The following RASSF8 variants were observed in gnomAD, a reference collection of about 807,000 sequenced individuals.
The protein encoded by RASSF8 is Ras association domain family member 8.
In RASSF8, 22 loss-of-function variants were observed where a neutral mutation model predicts 48.5. That is an observed-to-expected ratio of 0.45 (90% CI 0.32 to 0.65). RASSF8 has a LOEUF of 0.65. Among genes scored for constraint, RASSF8 ranks in the 30% least tolerant of loss-of-function variants. RASSF8 has a pLI of 0.03. For synonymous variants in RASSF8, 127 were observed against 171.5 expected (o/e 0.74, Z 2.03); for missense variants, 418 against 489.2 (o/e 0.85, Z 1.37).
intron 3 of RASSF8, among the ~76,000 whole-genome samples, chr12:26,060,152 CTCCCAAAGTGCT>C (rs549441480): frequency 1.5e-3 from 233 of 152,276 alleles, no homozygotes; most frequent in African/African-American, 5.3e-3. Flanking sequence ...CCGCCTCGGC[CTCCCAAAGTGCT>C]GGGATTACAG....
At chr12:26,036,772 A>G (rs1943160135) in intron 2 of RASSF8, among the ~76,000 whole-genome samples, 1 of 152,022 alleles carries the variant, frequency 6.6e-6, no homozygotes, top group Non-Finnish European at 1.5e-5. Context: ...AAAAAATAAA[A>G]AATTAGCCAG....
chr12:25,959,928 G>T (rs969044599), intron 1 of RASSF8, among the ~76,000 whole-genome samples: 3 of 152,112 alleles, frequency 2.0e-5, no homozygotes, highest in African/African-American at 7.2e-5. Context: ...ATATATAATT[G>T]CGGGTCAATA....
Position 26,069,478 on chromosome 12 carries a change from T to A in RASSF8, c.*660T>A. 1.0e-6 allele frequency: 1 copy of A among 985,486 alleles called. No individual in the cohort carries two copies. The highest frequency in any genetic ancestry group is 1.2e-6 in the Non-Finnish European group (1 of 829,948). The allele number at this position is 985,486 out of a possible 1,614,324, so 61.0% of individuals were successfully genotyped here. On this transcript the variant is annotated 3_prime_UTR_variant, in exon 6 of 6. Transcript: ENST00000689635. ...CCTTTACAATATTTCCAAATATACGTGTGGCCACAGAGCATAACAGATATT... is the reference window on the plus strand; with the variant it reads ...CCTTTACAATATTTCCAAATATACGAGTGGCCACAGAGCATAACAGATATT...
chr12:26,018,962 G>A (rs1400894517), intron 2 of RASSF8, among the ~76,000 whole-genome samples: 1 of 152,166 alleles, frequency 6.6e-6, no homozygotes, highest in African/African-American at 2.4e-5. Flanking sequence ...CTTCCACCTG[G>A]CTTGGTTCAG....
intron 2 of RASSF8, among the ~76,000 whole-genome samples, chr12:26,033,326 T>G (rs1943066846): frequency 6.6e-6 from 1 of 152,210 alleles, no homozygotes; most frequent in Non-Finnish European, 1.5e-5. Flanking sequence ...ATTGTGATCT[T>G]TCAGGTCATA....
At chr12:26,040,113 A>G (rs1943232742) in intron 2 of RASSF8, among the ~76,000 whole-genome samples, 1 of 152,152 alleles carries the variant, frequency 6.6e-6, no homozygotes, top group Admixed American at 6.5e-5. Flanking sequence ...CTTTTGTTTT[A>G]TTTTTAATAA....
In RASSF8 at chr12:26,072,353, C is replaced by G. The variant is rs1452860601; in HGVS notation, c.*3535C>G. The G allele has an allele frequency of 1.0e-6, 1 of 985,210 alleles. No individual in the cohort carries two copies. The highest frequency in any genetic ancestry group is 1.2e-6 in the Non-Finnish European group (1 of 829,898). The allele number at this position is 985,210 out of a possible 1,614,324, so 61.0% of individuals were successfully genotyped here. A position where few individuals can be genotyped will look rare whatever the true frequency, so the allele number is the denominator to read the frequency against. ...AATCACTATTTATTCAGTATTGCTG[C>G]TTTACATCTCCAGAATAAGCTTTCG... On this transcript the variant is annotated 3_prime_UTR_variant, in exon 6 of 6. Transcript: ENST00000689635.
chr12:25,977,108 C>T (rs757848035), intron 1 of RASSF8, among the ~76,000 whole-genome samples: 15 of 152,152 alleles, frequency 9.9e-5, no homozygotes, highest in Non-Finnish European at 1.8e-4. Context: ...AAATTAAGCT[C>T]AGAAAGCCTA....
intron 2 of RASSF8, among the ~76,000 whole-genome samples, chr12:26,026,903 C>G (rs182839396): frequency 1.8e-4 from 27 of 152,242 alleles, no homozygotes; most frequent in African/African-American, 6.5e-4. Context: ...ATTACATACC[C>G]AAGTGAAGTT....
chr12:26,019,191 A>C (rs547563183), intron 2 of RASSF8, among the ~76,000 whole-genome samples: 1 of 152,318 alleles, frequency 6.6e-6, no homozygotes, highest in East Asian at 1.9e-4. Context: ...TTTCAAAATA[A>C]TCTTAGTAAT....
intron 1 of RASSF8, among the ~76,000 whole-genome samples, chr12:25,960,612 A>T (rs1008004194): frequency 6.6e-6 from 1 of 152,236 alleles, no homozygotes; most frequent in Non-Finnish European, 1.5e-5. Flanking sequence ...ATCAAGTACA[A>T]CAAAATATAA....
intron 2 of RASSF8, among the ~76,000 whole-genome samples, chr12:25,996,485 A>G (rs1942137028): frequency 6.6e-6 from 1 of 152,144 alleles, no homozygotes; most frequent in Admixed American, 6.5e-5. Context: ...GATTTTGTGT[A>G]TTTGGGTTTG....
At chr12:26,025,353 C>G (rs989617422) in intron 2 of RASSF8, among the ~76,000 whole-genome samples, 1 of 151,778 alleles carries the variant, frequency 6.6e-6, no homozygotes, top group African/African-American at 2.4e-5. Flanking sequence ...GTCAGGAGAT[C>G]GAGACCATCC....
chr12:26,033,590 CA>C (rs1458627227), intron 2 of RASSF8, among the ~76,000 whole-genome samples: 1 of 151,712 alleles, frequency 6.6e-6, no homozygotes, highest in African/African-American at 2.4e-5. Context: ...GTTCTGCAAA[CA>C]CTGTTGGGTT....
chr12:26,050,395 T>C (rs1943466265), intron 2 of RASSF8, among the ~76,000 whole-genome samples: 1 of 152,226 alleles, frequency 6.6e-6, no homozygotes, highest in Admixed American at 6.5e-5. Flanking sequence ...ACCTAACTCT[T>C]GAATTCAAAC....
In RASSF8 at chr12:26,037,328, T is replaced by G. The variant is rs184081387; in HGVS notation, c.-108-17908T>G. On this transcript the variant is annotated intron_variant, in intron 2 of 5. Coordinates refer to ENST00000689635, the MANE Select transcript of RASSF8 (RefSeq NM_001394098.1). ...CTTTTGTCACCTCCGTGGATCTTTGTCACTGCCAAACACCACCCTCACTCC... is the reference window on the plus strand; with the variant it reads ...CTTTTGTCACCTCCGTGGATCTTTGGCACTGCCAAACACCACCCTCACTCC... Among the ~76,000 whole-genome samples, 11 of 152,332 alleles carry G rather than the reference T, an allele frequency of 7.2e-5. No individual in the cohort carries two copies. The East Asian group carries it at 1.9e-3, about 27-fold the overall frequency.
chr12:25,967,542 G>C (rs1168204814), intron 1 of RASSF8, among the ~76,000 whole-genome samples: 1 of 152,154 alleles, frequency 6.6e-6, no homozygotes, highest in Non-Finnish European at 1.5e-5. Context: ...GCCCACTTAA[G>C]TTAAAGCCTG....
intron 2 of RASSF8, 67 bp from the exon 3 acceptor site, chr12:26,055,169 T>C: frequency 1.7e-6 from 1 of 601,132 alleles, no homozygotes; most frequent in Non-Finnish European, 3.0e-6. Flanking sequence ...TTTTGTGTAA[T>C]ACTTACATAC....
intron 2 of RASSF8, among the ~76,000 whole-genome samples, chr12:26,048,895 A>G (rs1231573757): frequency 1.3e-5 from 2 of 152,056 alleles, no homozygotes; most frequent in East Asian, 3.9e-4. Context: ...CTGGGATTAC[A>G]GGTGCCCACC....
Sources: gnomAD v4.1 joint callset for allele counts (sites outside exome capture counted in the v4.1 genomes callset) on GRCh38, gnomAD v4.1.1 for gene constraint, MANE v1.5 for transcripts, NCBI Gene and HGNC (gene_info 2026-07-23, HGNC 2026-07-21) for gene names.